DEF6: variants seen among roughly 807,000 people sequenced by gnomAD.
DEF6 encodes differentially expressed in FDCP 6 homolog.
A neutral mutation model predicts 80.5 loss-of-function variants in DEF6; 32 were observed. That is an observed-to-expected ratio of 0.40 (90% CI 0.30 to 0.53). The LOEUF is 0.53. Among genes scored for constraint, DEF6 ranks in the 20% least tolerant of loss-of-function variants. The pLI, the probability that DEF6 is intolerant of heterozygous loss-of-function variation, is 0.57. For missense variants in DEF6, 575 were observed against 818.7 expected, an observed-to-expected ratio of 0.70 and a Z score of 3.63; for synonymous variants, 300 against 337.9, an observed-to-expected ratio of 0.89 and a Z score of 1.23.
At chr6:35,313,772 A>G (rs1451974634) in intron 5 of DEF6, among the ~76,000 whole-genome samples, 1 of 152,210 alleles carries the variant, frequency 6.6e-6, no homozygotes, top group Non-Finnish European at 1.5e-5. Context: ...GTTGTTGCAA[A>G]TGACAAGATT....
intron 1 of DEF6, among the ~76,000 whole-genome samples, chr6:35,308,740 A>AAAAT (rs1438123081): frequency 6.7e-6 from 1 of 148,386 alleles, no homozygotes; most frequent in Non-Finnish European, 1.5e-5. Flanking sequence ...ATAAAATAAT[A>AAAAT]AAATAAAATA....
At chr6:35,302,359 A>T (rs951720895) in intron 1 of DEF6, among the ~76,000 whole-genome samples, 6 of 146,654 alleles carry the variant, frequency 4.1e-5, no homozygotes, top group Non-Finnish European at 6.1e-5. Context: ...ATTCTTTCTT[A>T]AAAAAAAAAA....
chr6:35,321,558 TGGAA>T lies in DEF6; in HGVS notation c.*149_*152del. On this transcript the variant is annotated 3_prime_UTR_variant, in exon 11 of 11. Transcript: ENST00000316637. ...CCCTCCAACCATAAACAGTCCAGGATGGAACCTGGTTCACCCTTCATACCAGCTC... is the reference window on the plus strand; with the variant it reads ...CCCTCCAACCATAAACAGTCCAGGATCCTGGTTCACCCTTCATACCAGCTC... 1 of 674,290 alleles carries T rather than the reference TGGAA, an allele frequency of 1.5e-6. No individual in the cohort carries two copies. The highest frequency in any genetic ancestry group is 2.5e-6 in the Non-Finnish European group (1 of 405,016). The allele number at this position is 674,290 out of a possible 1,614,324, so 41.8% of individuals were successfully genotyped here. A position where few individuals can be genotyped will look rare whatever the true frequency, so the allele number is the denominator to read the frequency against.
intron 1 of DEF6, among the ~76,000 whole-genome samples, chr6:35,308,352 C>T (rs1582229501): frequency 6.7e-6 from 1 of 149,006 alleles, no homozygotes; most frequent in East Asian, 1.9e-4. Flanking sequence ...GCAACATATG[C>T]AGACCTCTGT....
intron 2 of DEF6, 56 bp downstream of exon 2, chr6:35,309,866 C>T: frequency 1.9e-6 from 3 of 1,597,926 alleles, no homozygotes; most frequent in Non-Finnish European, 2.6e-6. Flanking sequence ...TCCAGCCTGG[C>T]CAGCAGCCTA....
At chr6:35,305,182 G>A (rs73409774) in intron 1 of DEF6, among the ~76,000 whole-genome samples, 5,704 of 147,606 alleles carry the variant, frequency 0.039, 174 homozygotes, top group African/African-American at 0.086. Flanking sequence ...GTCTGGATCT[G>A]TCACTCAGGC....
At position 35,298,102 on chromosome 6, in the gene DEF6, CTG is replaced by C. The variant is rs1434449403; in HGVS notation, c.96+151_96+152del. 5 of 690,442 alleles carry C rather than the reference CTG, an allele frequency of 7.2e-6. No homozygotes were observed. In the Admixed American group the frequency reaches 1.1e-4, roughly 16 times the overall value. 42.8% of individuals were successfully genotyped at this position (690,442 alleles called of 1,614,324 possible). On this transcript the variant is annotated intron_variant, in intron 1 of 10. Coordinates refer to ENST00000316637, the MANE Select transcript of DEF6 (RefSeq NM_022047.4). ...GGGTCGGGGGGCTGGTCCTGGGTAA[CTG>C]GGCCAACGTAGCCTGGTAGATGCCG...
rs923852608 is a variant in DEF6, at chr6:35,318,376, G to A, written c.1120G>A (p.Ala374Thr). Reference sequence around the variant, plus strand: ...GCTGCTGCAGGAGGCGCAGCGGCAGGCCGAGCGGCTGCTGCAGGAGGAGGA... The same window carrying A: ...GCTGCTGCAGGAGGCGCAGCGGCAGACCGAGCGGCTGCTGCAGGAGGAGGA... Reference protein sequence around the residue: ...LELLQEAQRQAERLLQEEEER... With the variant: ...LELLQEAQRQTERLLQEEEER... Residue 374 changes from alanine to threonine, a missense_variant, in exon 7 of 11, where the codon GCC becomes ACC. By Grantham distance (58) the Ala-to-Thr change is moderately conservative. Coordinates refer to ENST00000316637, the MANE Select transcript of DEF6 (RefSeq NM_022047.4). The surrounding 1 kb of genome is among the most constrained non-coding windows in gnomAD (Gnocchi z 5.1). 6.5e-7 allele frequency: 1 copy of A among 1,537,546 alleles called. No individual in the cohort carries two copies. Among genetic ancestry groups the A allele is most frequent in the Non-Finnish European group, 8.7e-7 (1 of 1,145,416 alleles).
In DEF6 at chr6:35,318,156, C is replaced by A; in HGVS notation, c.917-17C>A. 2 of 1,543,546 alleles carry A rather than the reference C, an allele frequency of 1.3e-6. No homozygotes were observed. The highest frequency in any genetic ancestry group is 1.7e-6 in the Non-Finnish European group (2 of 1,147,378). Reference sequence around the variant, plus strand: ...CGTGTGCGAGGATCCTACTGACCCGCTCCCGCTCTTCGGCAGCCATCCAGA... The same window carrying A: ...CGTGTGCGAGGATCCTACTGACCCGATCCCGCTCTTCGGCAGCCATCCAGA... On this transcript the variant is annotated splice_polypyrimidine_tract_variant and intron_variant, in intron 6 of 10. Coordinates refer to ENST00000316637, the MANE Select transcript of DEF6 (RefSeq NM_022047.4). The surrounding 1 kb of genome is among the most constrained non-coding windows in gnomAD (Gnocchi z 5.1).
rs768714712 is a variant in DEF6 at position 35,321,197 on chromosome 6, G to C, written c.1683G>C (p.Pro561=). ...MHPIEPGDKR[P]VTSSSFSGFQ... ...CCTTCTCTCTGCCAGATAAGCGTCC[G>C]GTCACCAGCAGCTCCTTCTCAGGCT... The change falls in exon 11 of 11, where the codon CCG becomes CCC. Residue 561 remains proline, a synonymous_variant. Transcript: ENST00000316637. 4.8e-5 allele frequency: 77 copies of C among 1,612,062 alleles called. No homozygotes were observed. Among genetic ancestry groups the C allele is most frequent in the Non-Finnish European group, 6.4e-5 (75 of 1,179,856 alleles).
chr6:35,304,177 C>T (rs954496524), intron 1 of DEF6, among the ~76,000 whole-genome samples: 5 of 151,922 alleles, frequency 3.3e-5, no homozygotes, highest in Non-Finnish European at 5.9e-5. Context: ...AAAAATTAGC[C>T]GGGTGTGATG....
intron 1 of DEF6, among the ~76,000 whole-genome samples, chr6:35,303,555 T>C (rs1791344945): frequency 1.3e-5 from 2 of 152,176 alleles, no homozygotes; most frequent in Admixed American, 1.3e-4. Context: ...TTTCTACCCT[T>C]GTGGTGCTGA....
In DEF6 at chr6:35,319,544, T is replaced by C. The variant is rs1481838672; in HGVS notation, c.1236T>C (p.Ala412=). ...EAEQARASMQ[A]EMELKEEEAA... Reference sequence around the variant, plus strand: ...CACAGGCCCGGGCCTCCATGCAGGCTGAGATGGAGCTGAAGGAGGAGGAGG... The same window carrying C: ...CACAGGCCCGGGCCTCCATGCAGGCCGAGATGGAGCTGAAGGAGGAGGAGG... The change falls in exon 8 of 11, where the codon GCT becomes GCC. Residue 412 remains alanine, a synonymous_variant. Transcript: ENST00000316637. This position sits in a 1 kb window ranked among gnomAD's most constrained non-coding sequence, Gnocchi z 4.5. 6.2e-7 allele frequency: 1 copy of C among 1,606,054 alleles called. No individual in the cohort carries two copies. Among genetic ancestry groups the C allele is most frequent in the Non-Finnish European group, 8.5e-7 (1 of 1,176,458 alleles).
Position 35,318,466 on chromosome 6 carries a change from G to GAGCAGGTGGGGTTAGCTCCCGGCGC in DEF6, c.1211_1215+20dup. 1 of 1,426,754 alleles carries GAGCAGGTGGGGTTAGCTCCCGGCGC rather than the reference G, an allele frequency of 7.0e-7. No homozygotes were observed. The highest frequency in any genetic ancestry group is 9.1e-7 in the Non-Finnish European group (1 of 1,098,884). The allele number at this position is 1,426,754 out of a possible 1,614,324, so 88.4% of individuals were successfully genotyped here. A position where few individuals can be genotyped will look rare whatever the true frequency, so the allele number is the denominator to read the frequency against. The stretch of plus-strand genomic sequence containing the variant: ...GCTCGAGGGCCAACTGCGCGAGGCG[G>GAGCAGGTGGGGTTAGCTCCCGGCGC]AGCAGGTGGGGTTAGCTCCCGGCGC... On this transcript the variant is annotated frameshift_variant, in exon 7 of 11. Coordinates refer to ENST00000316637, the MANE Select transcript of DEF6 (RefSeq NM_022047.4). LOFTEE classifies it high-confidence loss of function. This position sits in a 1 kb window ranked among gnomAD's most constrained non-coding sequence, Gnocchi z 5.1.
rs1316990407 is a variant in DEF6 at position 35,308,733 on chromosome 6, AAAT to A, written c.97-931_97-929del. ...AAAATAAAATAAAATAAAATAAATA[AAAT>A]AATAAAATAAAATAAAATAAAATAA... On this transcript the variant is annotated intron_variant, in intron 1 of 10. Coordinates refer to ENST00000316637, the MANE Select transcript of DEF6 (RefSeq NM_022047.4). 1.2e-3 allele frequency among the ~76,000 whole-genome samples: 173 copies of A among 145,368 alleles called. 1 individual carries two copies. The highest frequency in any genetic ancestry group is 1.1e-3 in the Non-Finnish European group (75 of 65,744).
intron 5 of DEF6, among the ~76,000 whole-genome samples, chr6:35,317,288 G>A (rs1791533445): frequency 6.6e-6 from 1 of 152,224 alleles, no homozygotes; most frequent in Admixed American, 6.5e-5. Context: ...TAGTGCCTCA[G>A]TTTCTTTCTC....
intron 1 of DEF6, among the ~76,000 whole-genome samples, chr6:35,305,053 T>C: frequency 6.9e-6 from 1 of 145,556 alleles, no homozygotes; most frequent in Non-Finnish European, 1.5e-5. Context: ...GGAGGGCTCT[T>C]CCTGCCTCGG....
intron 1 of DEF6, among the ~76,000 whole-genome samples, chr6:35,306,953 A>G (rs1791400027): frequency 6.6e-6 from 1 of 152,250 alleles, no homozygotes; most frequent in Non-Finnish European, 1.5e-5. Flanking sequence ...GAAAAGTGAA[A>G]TCTTTCCAGC....
At chr6:35,305,017 C>T (rs145548755) in intron 1 of DEF6, among the ~76,000 whole-genome samples, 302 of 146,382 alleles carry the variant, frequency 2.1e-3, no homozygotes, top group Middle Eastern at 3.5e-3. Flanking sequence ...TTTAGGAGGC[C>T]GAGGCAGGAG....
Sources: allele counts gnomAD v4.1 joint callset (sites outside exome capture counted in the v4.1 genomes callset), GRCh38; gene constraint gnomAD v4.1.1; non-coding constraint Gnocchi (gnomAD v3.1); transcripts MANE v1.5; gene names NCBI Gene and HGNC (gene_info 2026-07-23, HGNC 2026-07-21).